The following AGBL1 variants were observed in gnomAD, a reference collection of about 807,000 sequenced individuals.
AGBL1 encodes the protein AGBL carboxypeptidase 1.
AGBL1 carries 130 observed loss-of-function variants against 118.9 expected under a neutral mutation model. The observed-to-expected ratio is 1.09, with a 90% CI of 0.95 to 1.26. The LOEUF is 1.26. Among genes scored for constraint, AGBL1 ranks in the 50% most tolerant of loss-of-function variants. The probability of loss-of-function intolerance (pLI) is 0.00; values close to 1 mark genes in which losing one functional copy is unlikely to be tolerated. For synonymous variants in AGBL1, 555 were observed against 478.9 expected (o/e 1.16, Z -2.08); for missense variants, 1,584 against 1,298.1 (o/e 1.22, Z -3.38).
intron 17 of AGBL1, among the ~76,000 whole-genome samples, chr15:86,373,151 C>T (rs1465394164): frequency 1.3e-5 from 2 of 152,182 alleles, no homozygotes; most frequent in Non-Finnish European, 2.9e-5. Context: ...TTGACCCTCA[C>T]CTAATTAACT....
intron 23 of AGBL1, among the ~76,000 whole-genome samples, chr15:86,944,403 G>A (rs914902377): frequency 6.6e-6 from 1 of 150,608 alleles, no homozygotes; most frequent in Non-Finnish European, 1.5e-5. Flanking sequence ...AATAATGAGG[G>A]CAGGCATGTT....
chr15:86,973,245 A>G (rs2081129727), intron 23 of AGBL1, among the ~76,000 whole-genome samples: 2 of 152,056 alleles, frequency 1.3e-5, no homozygotes, highest in Non-Finnish European at 2.9e-5. Flanking sequence ...AAATAGCCAC[A>G]TGAAGAGCAT....
intron 22 of AGBL1, among the ~76,000 whole-genome samples, chr15:86,730,102 C>G (rs2141213733): frequency 6.6e-6 from 1 of 152,222 alleles, no homozygotes; most frequent in East Asian, 1.9e-4. Context: ...AAACTGGACT[C>G]TTCCATTATA....
At chr15:87,003,359 G>A (rs1264605153) in intron 24 of AGBL1, among the ~76,000 whole-genome samples, 1 of 150,464 alleles carries the variant, frequency 6.6e-6, no homozygotes, top group Non-Finnish European at 1.5e-5. Flanking sequence ...GGTTTTTGAT[G>A]TGCTGCTGGA....
intron 22 of AGBL1, among the ~76,000 whole-genome samples, chr15:86,895,310 C>T (rs2080109664): frequency 1.3e-5 from 2 of 151,644 alleles, no homozygotes; most frequent in South Asian, 4.1e-4. Context: ...ATAACCTGTA[C>T]CTTATGTCAT....
intron 21 of AGBL1, among the ~76,000 whole-genome samples, chr15:86,668,998 G>C (rs16977909): frequency 0.07 from 10,582 of 152,140 alleles, 487 homozygotes; most frequent in South Asian, 0.088. Context: ...TCTCTATAGT[G>C]GTTCCTGATT....
At chr15:86,405,489 A>G (rs1452303173) in intron 18 of AGBL1, among the ~76,000 whole-genome samples, 1 of 152,018 alleles carries the variant, frequency 6.6e-6, no homozygotes, top group African/African-American at 2.4e-5. Flanking sequence ...CCTGGGCAAC[A>G]GAGTGAGACT....
intron 18 of AGBL1, among the ~76,000 whole-genome samples, chr15:86,428,834 G>A (rs964506018): frequency 6.6e-6 from 1 of 152,214 alleles, no homozygotes; most frequent in Non-Finnish European, 1.5e-5. Flanking sequence ...TGCTTTGTGA[G>A]TAAATAACTT....
chr15:86,212,936 C>T (rs115351503), intron 5 of AGBL1, among the ~76,000 whole-genome samples: 4,896 of 152,250 alleles, frequency 0.032, 120 homozygotes, highest in South Asian at 0.079. Context: ...AGGCATGGGC[C>T]ACTGTACCTG....
intron 14 of AGBL1, among the ~76,000 whole-genome samples, 154 bp downstream of exon 14, chr15:86,270,221 C>T (rs1190710080): frequency 2.0e-5 from 3 of 152,162 alleles, no homozygotes; most frequent in African/African-American, 7.2e-5. Context: ...CAGTGGCCCT[C>T]AGTGGCACAC....
At chr15:86,863,209 G>C (rs2079582813) in intron 22 of AGBL1, among the ~76,000 whole-genome samples, 1 of 152,172 alleles carries the variant, frequency 6.6e-6, no homozygotes, top group Admixed American at 6.5e-5. Flanking sequence ...AAGGCATATA[G>C]AGACTCCGGA....
chr15:86,432,720 G>A (rs2081949582), intron 18 of AGBL1, among the ~76,000 whole-genome samples: 1 of 152,222 alleles, frequency 6.6e-6, no homozygotes. Context: ...TTAGATAAAA[G>A]CCTGAAGGAG....
chr15:86,124,844 C>T (rs187922219), intron 1 of AGBL1, among the ~76,000 whole-genome samples: 1 of 152,108 alleles, frequency 6.6e-6, no homozygotes, highest in African/African-American at 2.4e-5. Context: ...TGTATACAGT[C>T]GCTCGCAACA....
Position 86,126,468 on chromosome 15 carries a change from C to G in AGBL1, c.52-15536C>G, listed in dbSNP as rs374172095. Among the ~76,000 whole-genome samples the G allele has an allele frequency of 1.2e-4, 19 of 152,100 alleles. No individual in the cohort carries two copies. In the East Asian group the frequency reaches 1.9e-3, roughly 15 times the overall value. ...GCTCCAGGATGGAATGTTTATATTT[C>G]CAAAGAGATATACAGAATATTCATA... is the stretch of plus-strand genomic sequence containing the variant. On this transcript the variant is annotated intron_variant, in intron 1 of 22. Coordinates refer to ENST00000614907, the MANE Select transcript of AGBL1 (RefSeq NM_001386094.1).
Position 86,728,628 on chromosome 15 carries a change from G to C in AGBL1, c.3158+54192G>C, listed in dbSNP as rs1190227216. 2.6e-5 allele frequency among the ~76,000 whole-genome samples: 4 copies of C among 152,146 alleles called. No individual in the cohort carries two copies. The East Asian group carries it at 7.7e-4, about 29-fold the overall frequency. On this transcript the variant is annotated intron_variant, in intron 22 of 22. Coordinates refer to ENST00000614907, the MANE Select transcript of AGBL1 (RefSeq NM_001386094.1). The stretch of plus-strand genomic sequence containing the variant: ...TCTGATATTATGCTCATCATGAATT[G>C]TTTTGCATTAAGTTTTGTTTTTTAA...
intron 3 of AGBL1, among the ~76,000 whole-genome samples, chr15:86,151,560 GC>G (rs1567088470): frequency 6.6e-6 from 1 of 152,098 alleles, no homozygotes. Flanking sequence ...CAAACCCACA[GC>G]CGATATCATA....
intron 17 of AGBL1, among the ~76,000 whole-genome samples, chr15:86,302,608 C>T (rs1050659643): frequency 6.6e-6 from 1 of 151,730 alleles, no homozygotes; most frequent in Non-Finnish European, 1.5e-5. Context: ...GAAACCCCAT[C>T]TCTACTAAAA....
intron 18 of AGBL1, among the ~76,000 whole-genome samples, chr15:86,494,015 G>T (rs75255727): frequency 1.3e-5 from 2 of 151,740 alleles, no homozygotes; most frequent in Non-Finnish European, 2.9e-5. Flanking sequence ...TCTCCCTTTC[G>T]CAGGCATACT....
At chr15:86,292,198 T>C (rs1452916511) in intron 16 of AGBL1, among the ~76,000 whole-genome samples, 1 of 152,104 alleles carries the variant, frequency 6.6e-6, no homozygotes, top group East Asian at 1.9e-4. Flanking sequence ...GATTATCAGA[T>C]TGGGTGCGGG....
Sources: gnomAD v4.1 joint callset for allele counts (sites outside exome capture counted in the v4.1 genomes callset) on GRCh38, gnomAD v4.1.1 for gene constraint, MANE v1.5 for transcripts, NCBI Gene and HGNC (gene_info 2026-07-23, HGNC 2026-07-21) for gene names.